The following LRMDA variants were observed in gnomAD, a reference collection of about 807,000 sequenced individuals.
LRMDA encodes the protein leucine rich melanocyte differentiation associated.
LRMDA carries 18 observed loss-of-function variants against 29.8 expected under a neutral mutation model. The observed-to-expected ratio is 0.60, with a 90% CI of 0.42 to 0.90. The LOEUF (loss-of-function observed/expected upper bound fraction) is 0.90. LRMDA is among the 40% of genes least tolerant of loss of function. The pLI is 0.00. For synonymous variants in LRMDA, 125 were observed against 109.4 expected (o/e 1.14, Z -0.89); for missense variants, 273 against 273.9 (o/e 1.00, Z 0.02).
At chr10:76,396,775 A>G (rs1037495351) in intron 6 of LRMDA, among the ~76,000 whole-genome samples, 19 of 152,354 alleles carry the variant, frequency 1.2e-4, no homozygotes, top group African/African-American at 4.6e-4. Flanking sequence ...CCAACAGCCA[A>G]TGAATTATTG....
chr10:75,700,447 T>TG (rs1842291656), intron 2 of LRMDA, among the ~76,000 whole-genome samples: 1 of 150,978 alleles, frequency 6.6e-6, no homozygotes. Context: ...CTTTTTTTTT[T>TG]TTTTTTGAGA....
At chr10:76,120,570 A>C (rs1185966777) in intron 5 of LRMDA, among the ~76,000 whole-genome samples, 1 of 152,168 alleles carries the variant, frequency 6.6e-6, no homozygotes, top group African/African-American at 2.4e-5. Context: ...AAAACTATAA[A>C]ACAACAACAA....
At chr10:76,545,671 ATTG>A (rs547861050) in intron 6 of LRMDA, among the ~76,000 whole-genome samples, 1 of 144,524 alleles carries the variant, frequency 6.9e-6, no homozygotes, top group East Asian at 2.0e-4. Context: ...TATTATTATT[ATTG>A]TTATTATTTA....
At chr10:75,917,351 C>T (rs145724951) in intron 2 of LRMDA, among the ~76,000 whole-genome samples, 2 of 152,284 alleles carry the variant, frequency 1.3e-5, no homozygotes, top group African/African-American at 4.8e-5. Flanking sequence ...GCATGGGTCT[C>T]GGCAGAAGCT....
At chr10:75,586,667 T>A (rs1840660339) in intron 2 of LRMDA, among the ~76,000 whole-genome samples, 1 of 152,056 alleles carries the variant, frequency 6.6e-6, no homozygotes, top group Non-Finnish European at 1.5e-5. Flanking sequence ...ATAATAGCCA[T>A]CCTGACAGGT....
At chr10:75,637,606 A>G (rs924565899) in intron 2 of LRMDA, among the ~76,000 whole-genome samples, 3 of 152,230 alleles carry the variant, frequency 2.0e-5, no homozygotes, top group Admixed American at 2.0e-4. Flanking sequence ...ATCCTGAGCT[A>G]TGGAGATGCT....
intron 5 of LRMDA, among the ~76,000 whole-genome samples, chr10:76,202,809 A>G (rs1476792765): frequency 6.6e-6 from 1 of 152,042 alleles, no homozygotes; most frequent in African/African-American, 2.4e-5. Flanking sequence ...CAGATGAAAG[A>G]GAATATTTCA....
intron 2 of LRMDA, among the ~76,000 whole-genome samples, chr10:75,748,740 TAA>T (rs1296258320): frequency 1.3e-5 from 2 of 152,114 alleles, no homozygotes; most frequent in African/African-American, 4.8e-5. Context: ...ACCAACATTA[TAA>T]AAAATAGGAC....
chr10:76,068,607 G>A (rs1036419654), intron 5 of LRMDA, among the ~76,000 whole-genome samples: 1 of 152,168 alleles, frequency 6.6e-6, no homozygotes, highest in Non-Finnish European at 1.5e-5. Flanking sequence ...AGTAATGCTC[G>A]CTCACCAGCC....
intron 2 of LRMDA, among the ~76,000 whole-genome samples, chr10:76,031,868 T>C (rs917686935): frequency 5.9e-5 from 9 of 152,176 alleles, no homozygotes; most frequent in African/African-American, 2.2e-4. Flanking sequence ...AAGAGACAGA[T>C]GCTTTTGTTT....
At chr10:75,965,354 G>A (rs911029492) in intron 2 of LRMDA, among the ~76,000 whole-genome samples, 1 of 152,166 alleles carries the variant, frequency 6.6e-6, no homozygotes, top group African/African-American at 2.4e-5. Flanking sequence ...GGGGCAGTGT[G>A]GCAGGGAATA....
chr10:75,770,366 A>C (rs1843223500), intron 2 of LRMDA, among the ~76,000 whole-genome samples: 1 of 152,210 alleles, frequency 6.6e-6, no homozygotes, highest in Non-Finnish European at 1.5e-5. Flanking sequence ...CAACAGTATG[A>C]ATATACTTAA....
chr10:76,201,642 C>A (rs1343080643), intron 5 of LRMDA, among the ~76,000 whole-genome samples: 2 of 152,180 alleles, frequency 1.3e-5, no homozygotes, highest in Admixed American at 6.6e-5. Context: ...TTGTTGGATA[C>A]ATTTTTCATG....
chr10:76,391,806 CT>C (rs1018627582), intron 6 of LRMDA, among the ~76,000 whole-genome samples: 5 of 152,054 alleles, frequency 3.3e-5, no homozygotes, highest in Non-Finnish European at 7.4e-5. Flanking sequence ...TCATAAGAAG[CT>C]TTTTTGCATG....
intron 2 of LRMDA, among the ~76,000 whole-genome samples, chr10:75,820,990 T>C (rs1844147514): frequency 6.6e-6 from 1 of 152,072 alleles, no homozygotes; most frequent in African/African-American, 2.4e-5. Flanking sequence ...AGACCAATAA[T>C]GAGTAGTGAA....
intron 6 of LRMDA, among the ~76,000 whole-genome samples, chr10:76,436,889 T>C (rs1035891819): frequency 1.3e-5 from 2 of 152,138 alleles, no homozygotes; most frequent in African/African-American, 2.4e-5. Context: ...TAGGGGAGAC[T>C]GCAGCCAGAG....
intron 2 of LRMDA, among the ~76,000 whole-genome samples, chr10:75,628,198 A>T (rs1003299086): frequency 3.9e-5 from 6 of 152,206 alleles, no homozygotes; most frequent in Non-Finnish European, 7.3e-5. Context: ...TACACCTACA[A>T]CTACTAATAC....
At chr10:76,258,911 G>A (rs1321802017) in intron 5 of LRMDA, among the ~76,000 whole-genome samples, 2 of 152,144 alleles carry the variant, frequency 1.3e-5, no homozygotes, top group Admixed American at 1.3e-4. Context: ...ATTGTGAATA[G>A]TGCTGCAATA....
intron 2 of LRMDA, among the ~76,000 whole-genome samples, chr10:75,564,156 C>T (rs1589186594): frequency 6.6e-6 from 1 of 152,246 alleles, no homozygotes; most frequent in Non-Finnish European, 1.5e-5. Flanking sequence ...CAGAGGCAGG[C>T]AGGTCTACTT....
Sources: gnomAD v4.1 joint callset for allele counts (sites outside exome capture counted in the v4.1 genomes callset) on GRCh38, gnomAD v4.1.1 for gene constraint, MANE v1.5 for transcripts, NCBI Gene and HGNC (gene_info 2026-07-23, HGNC 2026-07-21) for gene names.